RRN3: variants seen among roughly 807,000 people sequenced by gnomAD.
RRN3 encodes the protein RNA polymerase I-specific transcription initiation factor RRN3.
RRN3 carries 38 observed loss-of-function variants against 82.3 expected under a neutral mutation model. That is an observed-to-expected ratio of 0.46 (90% confidence interval 0.36 to 0.61). The LOEUF (loss-of-function observed/expected upper bound fraction) is 0.61. Ranked by LOEUF, RRN3 falls within the 20% of genes least tolerant of loss-of-function variation. RRN3 has a pLI of 0.00. For missense variants in RRN3, 726 were observed against 793.1 expected (o/e 0.92, Z 1.02); for synonymous variants, 284 against 284.3 (o/e 1.00, Z 0.01).
In RRN3 at chr16:15,062,460, T is replaced by C. The variant is rs148828318; in HGVS notation, c.1795-555A>G. Among the ~76,000 whole-genome samples, 23 of 152,358 alleles carry C rather than the reference T, an allele frequency of 1.5e-4. No individual in the cohort carries two copies. The East Asian group carries it at 4.2e-3, about 28-fold the overall frequency. On this transcript the variant is annotated intron_variant, in intron 17 of 17. Transcript: ENST00000198767. ...AAAGCCATCTTGAAGCTGCTTTTAA[T>C]GAGAAAACAAATGTGCTCCCAAGCA...
chr16:15,090,655 G>A (rs369680206), intron 3 of RRN3, among the ~76,000 whole-genome samples: 2 of 152,092 alleles, frequency 1.3e-5, no homozygotes, highest in East Asian at 1.9e-4. Context: ...TTCACACAGT[G>A]GAAAATAGAG....
intron 12 of RRN3, among the ~76,000 whole-genome samples, 161 bp downstream of exon 12, chr16:15,072,789 C>T (rs1430901712): frequency 6.6e-6 from 1 of 151,738 alleles, no homozygotes; most frequent in Non-Finnish European, 1.5e-5. Flanking sequence ...GAAAAGAAAA[C>T]AAAAAAAGAA....
chr16:15,062,220 C>T (rs913049909), intron 17 of RRN3, among the ~76,000 whole-genome samples: 2 of 152,180 alleles, frequency 1.3e-5, no homozygotes, highest in Non-Finnish European at 2.9e-5. Flanking sequence ...CACATAACTG[C>T]TCATCACACA....
At chr16:15,084,192 G>GA (rs1231839923) in intron 7 of RRN3, among the ~76,000 whole-genome samples, 2 of 152,066 alleles carry the variant, frequency 1.3e-5, no homozygotes, top group African/African-American at 4.8e-5. Context: ...TTTAAAAGAA[G>GA]AAAAAATCAT....
chr16:15,082,132 A>G (rs2151804580), intron 8 of RRN3, among the ~76,000 whole-genome samples: 1 of 152,342 alleles, frequency 6.6e-6, no homozygotes, highest in Middle Eastern at 3.4e-3. Context: ...CTAGACAAGC[A>G]GCAAGAGCGG....
At chr16:15,085,064 T>A (rs946723101) in intron 6 of RRN3, among the ~76,000 whole-genome samples, 12 of 151,408 alleles carry the variant, frequency 7.9e-5, no homozygotes, top group African/African-American at 2.9e-4. Flanking sequence ...AGACTCTGTC[T>A]CAAAAAACAA....
At chr16:15,070,825 C>T (rs1314941205) in intron 13 of RRN3, among the ~76,000 whole-genome samples, 1 of 151,798 alleles carries the variant, frequency 6.6e-6, no homozygotes, top group Non-Finnish European at 1.5e-5. Context: ...AAATGACAAA[C>T]CTACAAAAAG....
chr16:15,080,179 C>T (rs1340009127), intron 8 of RRN3, 83 bp from the exon 9 acceptor site: 5 of 1,467,592 alleles, frequency 3.4e-6, no homozygotes, highest in Non-Finnish European at 4.5e-6. Flanking sequence ...AATTACATGA[C>T]CTTTAGTTTC....
At position 15,092,506 on chromosome 16, in the gene RRN3, T is replaced by C. The variant is rs768598115; in HGVS notation, c.195+3A>G. On this transcript the variant is annotated splice_donor_region_variant and intron_variant, in intron 2 of 17. Coordinates refer to ENST00000198767, the MANE Select transcript of RRN3 (RefSeq NM_018427.5). ...GCAAACCTCACACATTATCTCCCCT[T>C]ACCTTTTTGTACTTCAGCAAGACTT... 1 of 1,598,078 alleles carries C rather than the reference T, an allele frequency of 6.3e-7. No individual in the cohort carries two copies. The highest frequency in any genetic ancestry group is 1.1e-5 in the South Asian group (1 of 90,732).
chr16:15,079,811 G>A (rs180780313), intron 9 of RRN3, among the ~76,000 whole-genome samples, 187 bp downstream of exon 9: 45 of 152,244 alleles, frequency 3.0e-4, no homozygotes, highest in African/African-American at 1.0e-3. Flanking sequence ...TGGCCAGGCT[G>A]GTCTCGAACT....
intron 14 of RRN3, among the ~76,000 whole-genome samples, chr16:15,068,909 G>A (rs2045098828): frequency 1.3e-5 from 2 of 152,124 alleles, no homozygotes; most frequent in Non-Finnish European, 2.9e-5. Context: ...TTTCTTAGGA[G>A]TTTCTTTGAT....
At chr16:15,074,948 CTT>C in intron 10 of RRN3, 87 bp from the exon 11 acceptor site, 1 of 1,320,300 alleles carries the variant, frequency 7.6e-7, no homozygotes, top group Non-Finnish European at 1.0e-6. Flanking sequence ...GATTATTTCC[CTT>C]AAAAGATAAA....
At chr16:15,090,760 A>C (rs889547042) in intron 3 of RRN3, among the ~76,000 whole-genome samples, 5 of 152,248 alleles carry the variant, frequency 3.3e-5, no homozygotes, top group Non-Finnish European at 5.9e-5. Flanking sequence ...CCATAGTAAT[A>C]AACCATTCTC....
At chr16:15,073,493 T>C (rs1182141674) in intron 11 of RRN3, among the ~76,000 whole-genome samples, 3 of 152,140 alleles carry the variant, frequency 2.0e-5, no homozygotes, top group Admixed American at 6.5e-5. Context: ...TCCATTAAAA[T>C]ACCATTAAAA....
At chr16:15,080,768 C>A (rs549561541) in intron 8 of RRN3, among the ~76,000 whole-genome samples, 1 of 152,130 alleles carries the variant, frequency 6.6e-6, no homozygotes, top group East Asian at 1.9e-4. Context: ...ATCCTACATC[C>A]ATTAGTGCAC....
intron 15 of RRN3, 118 bp from the exon 16 acceptor site, chr16:15,065,489 T>C: frequency 1.3e-6 from 1 of 748,428 alleles, no homozygotes; most frequent in Non-Finnish European, 2.2e-6. Flanking sequence ...ATATAACAAG[T>C]GCTAGTAAAA....
At chr16:15,093,272 G>A (rs1304802347) in intron 1 of RRN3, among the ~76,000 whole-genome samples, 1 of 152,176 alleles carries the variant, frequency 6.6e-6, no homozygotes, top group Non-Finnish European at 1.5e-5. Flanking sequence ...CCAAAGTGCT[G>A]GGATTACAGG....
At chr16:15,083,726 T>A in intron 7 of RRN3, 144 bp from the exon 8 acceptor site, 1 of 1,224,142 alleles carries the variant, frequency 8.2e-7, no homozygotes, top group Non-Finnish European at 1.1e-6. Context: ...GAACTTTTTT[T>A]GTTTTTTGAG....
chr16:15,082,488 C>T (rs1024569850), intron 8 of RRN3, among the ~76,000 whole-genome samples: 7 of 152,074 alleles, frequency 4.6e-5, no homozygotes, highest in South Asian at 2.1e-4. Context: ...GTCTGGCCAA[C>T]GCGGCAAAAT....
Sources: allele counts gnomAD v4.1 joint callset (sites outside exome capture counted in the v4.1 genomes callset), GRCh38; gene constraint gnomAD v4.1.1; transcripts MANE v1.5; gene names NCBI Gene and HGNC (gene_info 2026-07-23, HGNC 2026-07-21).